Variants in RBFOX1 observed in about 807,000 individuals in gnomAD.
RBFOX1 encodes the protein RNA binding fox-1 homolog 1.
A neutral mutation model predicts 57.7 loss-of-function variants in RBFOX1; 8 were observed. That is an observed-to-expected ratio of 0.14 (90% CI 0.08 to 0.25). The LOEUF (loss-of-function observed/expected upper bound fraction) is 0.25, where lower values mean the gene tolerates loss of function less well. Ranked by LOEUF, RBFOX1 falls within the 10% of genes least tolerant of loss-of-function variation. RBFOX1 has a pLI of 1.00. For missense variants in RBFOX1, 611 were observed against 548.5 expected, an observed-to-expected ratio of 1.11 and a Z score of -1.14; for synonymous variants, 326 against 222.4, an observed-to-expected ratio of 1.47 and a Z score of -4.15.
intron 1 of RBFOX1, among the ~76,000 whole-genome samples, chr16:5,435,085 A>T (rs1210113147): frequency 6.6e-6 from 1 of 152,242 alleles, no homozygotes; most frequent in Non-Finnish European, 1.5e-5. Context: ...GTTGTAGAAT[A>T]AATAATGCAG....
chr16:6,708,499 A>G (rs1232540582), intron 3 of RBFOX1, among the ~76,000 whole-genome samples: 1 of 152,152 alleles, frequency 6.6e-6, no homozygotes, highest in Non-Finnish European at 1.5e-5. Context: ...AGATATTTTC[A>G]TCACGTTCCT....
rs1017296171 is a variant in RBFOX1, at chr16:5,311,199, C to T, written c.219+71094C>T. ...TTCTTTTTTATGGCTGAGTAGTATT[C>T]CACGGTATGTTTGTATGTATGTACA... On this transcript the variant is annotated intron_variant, in intron 1 of 2. Coordinates refer to the RBFOX1 transcript ENST00000585867. 2.0e-5 allele frequency among the ~76,000 whole-genome samples: 3 copies of T among 152,098 alleles called. No homozygotes were observed. The East Asian group carries it at 5.8e-4, about 29-fold the overall frequency.
At chr16:7,180,990 G>C (rs1343219467) in intron 4 of RBFOX1, among the ~76,000 whole-genome samples, 3 of 152,180 alleles carry the variant, frequency 2.0e-5, no homozygotes, top group Non-Finnish European at 4.4e-5. Context: ...AGCAGTCATA[G>C]GCAATGCAAA....
intron 14 of RBFOX1, among the ~76,000 whole-genome samples, chr16:7,684,736 G>GT (rs999887814): frequency 2.6e-5 from 4 of 151,962 alleles, no homozygotes; most frequent in African/African-American, 9.7e-5. Context: ...TGAAGAACTT[G>GT]TTTTTTCCAC....
chr16:6,726,818 A>G (rs1469529212), intron 3 of RBFOX1, among the ~76,000 whole-genome samples: 1 of 151,924 alleles, frequency 6.6e-6, no homozygotes, highest in Non-Finnish European at 1.5e-5. Flanking sequence ...ATATCTGGCT[A>G]GTTTTAAGGA....
In RBFOX1 at chr16:6,984,310, C is replaced by G. The variant is rs1311830051; in HGVS notation, c.-15-67747C>G. On this transcript the variant is annotated intron_variant, in intron 3 of 15. Coordinates refer to ENST00000550418, the MANE Select transcript of RBFOX1 (RefSeq NM_018723.4). ...ACCTGTGTGACCTAGAGAAATTTGA[C>G]CAGCCCTTTGATCTGTGAAATATGA... Among the ~76,000 whole-genome samples the G allele has an allele frequency of 2.0e-5, 3 of 152,190 alleles. No individual in the cohort carries two copies. The East Asian group carries it at 5.8e-4, about 29-fold the overall frequency.
intron 2 of RBFOX1, among the ~76,000 whole-genome samples, chr16:6,521,044 T>G (rs181225401): frequency 3.3e-5 from 5 of 152,278 alleles, no homozygotes; most frequent in African/African-American, 1.2e-4. Flanking sequence ...TTACAATGTT[T>G]AGATCCTTTA....
At chr16:5,564,002 G>C (rs1472444990) in intron 2 of RBFOX1, among the ~76,000 whole-genome samples, 1 of 152,080 alleles carries the variant, frequency 6.6e-6, no homozygotes, top group Non-Finnish European at 1.5e-5. Flanking sequence ...GTGTGTAGGA[G>C]AGAGTTTTTT....
Position 7,109,627 on chromosome 16 carries a change from C to G in RBFOX1, c.27+57529C>G, listed in dbSNP as rs567663983. On this transcript the variant is annotated intron_variant, in intron 4 of 15. Coordinates refer to ENST00000550418, the MANE Select transcript of RBFOX1 (RefSeq NM_018723.4). ...ACAAGCCCAGTTTTAGGGGAAAGGG[C>G]TCTAAGAGTAGAGACATCCATATAG... is the stretch of plus-strand genomic sequence containing the variant. Among the ~76,000 whole-genome samples, 17 of 152,218 alleles carry G rather than the reference C, an allele frequency of 1.1e-4. No homozygotes were observed. In the South Asian group the frequency reaches 3.5e-3, roughly 32 times the overall value.
intron 3 of RBFOX1, among the ~76,000 whole-genome samples, chr16:6,691,884 G>A (rs1244061347): frequency 6.6e-6 from 1 of 151,962 alleles, no homozygotes; most frequent in Non-Finnish European, 1.5e-5. Context: ...GTGGAAGAAT[G>A]GTCAGAAAGA....
At chr16:5,813,600 G>C (rs1714426206) in intron 3 of RBFOX1, among the ~76,000 whole-genome samples, 1 of 152,174 alleles carries the variant, frequency 6.6e-6, no homozygotes, top group African/African-American at 2.4e-5. Flanking sequence ...CAAATACCCA[G>C]AAAAGGCAAG....
intron 2 of RBFOX1, among the ~76,000 whole-genome samples, chr16:6,369,370 A>G (rs948199652): frequency 1.3e-5 from 2 of 152,226 alleles, no homozygotes; most frequent in African/African-American, 2.4e-5. Flanking sequence ...TGATTTAAAA[A>G]ATGGAAAAAC....
chr16:5,309,968 C>G (rs1034693340), intron 1 of RBFOX1, among the ~76,000 whole-genome samples: 2 of 152,162 alleles, frequency 1.3e-5, no homozygotes, highest in Non-Finnish European at 2.9e-5. Flanking sequence ...CTGCTTGTTC[C>G]TCTCTGTACA....
chr16:6,980,340 A>G (rs2088397961), intron 3 of RBFOX1, among the ~76,000 whole-genome samples: 2 of 152,162 alleles, frequency 1.3e-5, no homozygotes, highest in East Asian at 1.9e-4. Flanking sequence ...TTTGTTCCAG[A>G]TGAGGACTAA....
chr16:5,259,863 A>T (rs573766636), intron 1 of RBFOX1, among the ~76,000 whole-genome samples: 1 of 152,148 alleles, frequency 6.6e-6, no homozygotes, highest in African/African-American at 2.4e-5. Flanking sequence ...CGTGGGGGCC[A>T]TTCTGACTTC....
intron 1 of RBFOX1, among the ~76,000 whole-genome samples, chr16:6,178,179 T>G (rs77651074): frequency 2.2e-5 from 1 of 44,728 alleles, no homozygotes; most frequent in Non-Finnish European, 4.4e-5. Flanking sequence ...AGGTCACTCT[T>G]TTTTTTTTTT....
At chr16:5,610,979 C>T (rs191334384) in intron 3 of RBFOX1, among the ~76,000 whole-genome samples, 2 of 152,350 alleles carry the variant, frequency 1.3e-5, no homozygotes, top group African/African-American at 4.8e-5. Flanking sequence ...AATCCAAACT[C>T]CTTGACACAG....
At chr16:7,097,957 G>T (rs1487425879) in intron 4 of RBFOX1, among the ~76,000 whole-genome samples, 1 of 152,170 alleles carries the variant, frequency 6.6e-6, no homozygotes, top group African/African-American at 2.4e-5. Flanking sequence ...ATACAAAACA[G>T]TTTAATAATA....
intron 1 of RBFOX1, among the ~76,000 whole-genome samples, chr16:5,330,636 C>G (rs367591430): frequency 4.0e-5 from 6 of 151,736 alleles, no homozygotes; most frequent in East Asian, 3.9e-4. Flanking sequence ...AACTTCTGAC[C>G]TCAGGTGATC....
Sources: allele counts gnomAD v4.1 joint callset (sites outside exome capture counted in the v4.1 genomes callset), GRCh38; gene constraint gnomAD v4.1.1; transcripts MANE v1.5; gene names NCBI Gene and HGNC (gene_info 2026-07-23, HGNC 2026-07-21).